The following OR51B5 variants were observed in gnomAD, a reference collection of about 807,000 sequenced individuals.
OR51B5 encodes olfactory receptor 51B5.
For synonymous variants in OR51B5, 186 were observed against 144.8 expected, an observed-to-expected ratio of 1.28 and a Z score of -2.04; for missense variants, 456 against 374.6, an observed-to-expected ratio of 1.22 and a Z score of -1.79.
At chr11:5,348,814 C>T (rs1454397954) in intron 1 of OR51B5, among the ~76,000 whole-genome samples, 2 of 152,110 alleles carry the variant, frequency 1.3e-5, no homozygotes, top group Non-Finnish European at 2.9e-5. Context: ...CAATACTTTG[C>T]ATCCTTCAAT....
At chr11:5,381,108 ACCCCACCATAC>A (rs146546272) in intron 1 of OR51B5, among the ~76,000 whole-genome samples, 19,202 of 143,120 alleles carry the variant, frequency 0.13, 1,340 homozygotes, top group South Asian at 0.17. Context: ...CAGGCTTTCC[ACCCCACCATAC>A]CCCCACCCCA....
Position 5,403,697 on chromosome 11 carries a change from T to C in OR51B5, n.85-56787A>G, listed in dbSNP as rs562634280. On this transcript the variant is annotated intron_variant and non_coding_transcript_variant, in intron 1 of 4. Transcript: ENST00000415970. ...TCTATAGTCTGTCCATGAACTGAGG[T>C]GAGGGTGCAGGTAGAGGTGAATTAT... 107 of 360,832 alleles carry C rather than the reference T, an allele frequency of 3.0e-4. 4 individuals carry two copies. Among genetic ancestry groups the C allele is most frequent in the South Asian group, 2.1e-3 (102 of 48,382 alleles). The allele number at this position is 360,832 out of a possible 1,614,324, so 22.4% of individuals were successfully genotyped here.
intron 1 of OR51B5, among the ~76,000 whole-genome samples, chr11:5,385,659 T>TA (rs1564795566): frequency 6.6e-6 from 1 of 151,352 alleles, no homozygotes; most frequent in Non-Finnish European, 1.5e-5. Context: ...TAAACATGTA[T>TA]AATAAAGAAT....
Position 5,437,040 on chromosome 11 carries a change from T to C in OR51B5, n.84+68529A>G, listed in dbSNP as rs181360747. Among the ~76,000 whole-genome samples, 692 of 152,132 alleles carry C rather than the reference T, an allele frequency of 4.5e-3. 5 individuals are homozygous for C. Among genetic ancestry groups the C allele is most frequent in the African/African-American group, 0.015 (639 of 41,496 alleles). ...GCCTGAGTGTGATGCTGTGCTGGTA[T>C]TGGGGAAAGGAGGAGGGTTAGATCT... is the stretch of plus-strand genomic sequence containing the variant. On this transcript the variant is annotated intron_variant and non_coding_transcript_variant, in intron 1 of 4. Coordinates refer to the OR51B5 transcript ENST00000415970.
intron 1 of OR51B5, among the ~76,000 whole-genome samples, chr11:5,445,985 C>A (rs1476376521): frequency 6.6e-6 from 1 of 151,978 alleles, no homozygotes; most frequent in Non-Finnish European, 1.5e-5. Flanking sequence ...AACCATCATT[C>A]TCAGCAAACT....
At chr11:5,383,613 T>C (rs1032106380) in intron 1 of OR51B5, among the ~76,000 whole-genome samples, 8 of 152,222 alleles carry the variant, frequency 5.3e-5, no homozygotes, top group Non-Finnish European at 1.2e-4. Context: ...GTAGTACTTT[T>C]GTTGCAGCAG....
At chr11:5,483,366 G>T (rs1381055862) in intron 1 of OR51B5, among the ~76,000 whole-genome samples, 6 of 102,294 alleles carry the variant, frequency 5.9e-5, no homozygotes, top group Non-Finnish European at 1.1e-4. Flanking sequence ...ATGGGGTGGG[G>T]GGAGGGGGGA....
At chr11:5,442,340 T>G (rs1850702122) in intron 1 of OR51B5, among the ~76,000 whole-genome samples, 1 of 152,160 alleles carries the variant, frequency 6.6e-6, no homozygotes, top group Non-Finnish European at 1.5e-5. Flanking sequence ...ATACACACCT[T>G]TATTCATTCT....
downstream of OR51B5, chr11:5,340,357 TTATC>T (rs984948933): frequency 4.0e-4 from 61 of 152,256 alleles, no homozygotes; most frequent in African/African-American, 1.4e-3. Flanking sequence ...TATCATTTCT[TTATC>T]TATAATTTAC....
At chr11:5,402,822 G>T (rs1336832910) in intron 1 of OR51B5, 2 of 471,648 alleles carry the variant, frequency 4.2e-6, no homozygotes, top group Non-Finnish European at 8.8e-6. Flanking sequence ...CGAGGTTCGT[G>T]TCTCTGCATC....
intron 1 of OR51B5, among the ~76,000 whole-genome samples, chr11:5,415,445 T>C (rs1050299250): frequency 2.0e-5 from 3 of 150,272 alleles, no homozygotes; most frequent in East Asian, 2.0e-4. Context: ...CTAAAGGAAA[T>C]AGAGACACAA....
intron 1 of OR51B5, chr11:5,391,197 A>C (rs544829499): frequency 6.6e-6 from 1 of 152,350 alleles, no homozygotes; most frequent in African/African-American, 2.4e-5. Context: ...TAAACTTTAC[A>C]TTGGCTGATC....
intron 1 of OR51B5, among the ~76,000 whole-genome samples, chr11:5,470,696 C>G (rs1008637350): frequency 6.6e-6 from 1 of 152,154 alleles, no homozygotes; most frequent in Non-Finnish European, 1.5e-5. Context: ...GTGGTCATGC[C>G]AGAAAACCCT....
chr11:5,428,699 C>G (rs1850486856), intron 1 of OR51B5, among the ~76,000 whole-genome samples: 1 of 152,210 alleles, frequency 6.6e-6, no homozygotes. Context: ...AGCCTCACAG[C>G]CTGGCTGTCT....
intron 1 of OR51B5, among the ~76,000 whole-genome samples, chr11:5,387,138 A>G (rs1228343205): frequency 2.0e-5 from 3 of 152,180 alleles, no homozygotes; most frequent in African/African-American, 7.2e-5. Flanking sequence ...AAACTGAATA[A>G]CATAAATATT....
intron 1 of OR51B5, among the ~76,000 whole-genome samples, chr11:5,434,994 A>AT (rs1850574013): frequency 6.6e-6 from 1 of 152,026 alleles, no homozygotes; most frequent in Admixed American, 6.6e-5. Context: ...TGGCAGATAG[A>AT]TTTTTTTTCT....
chr11:5,499,965 G>T lies in OR51B5; in HGVS notation n.84+5604C>A, dbSNP rs139673168. The stretch of plus-strand genomic sequence containing the variant: ...TGGAATATGTAATCTACTCTGCAAA[G>T]AATTGCCTTTTATTTTGGCAAATAG... On this transcript the variant is annotated intron_variant and non_coding_transcript_variant, in intron 1 of 4. Transcript: ENST00000415970. Among the ~76,000 whole-genome samples the T allele has an allele frequency of 2.4e-4, 37 of 152,332 alleles. No individual in the cohort carries two copies. The East Asian group carries it at 3.3e-3, about 13-fold the overall frequency.
chr11:5,443,338 T>G (rs1850718764), intron 1 of OR51B5, among the ~76,000 whole-genome samples: 1 of 152,098 alleles, frequency 6.6e-6, no homozygotes, highest in African/African-American at 2.4e-5. Context: ...TGAGAAGAGA[T>G]TCATCTATTC....
intron 1 of OR51B5, among the ~76,000 whole-genome samples, chr11:5,486,144 A>AT (rs11403420): frequency 0.96 from 146,256 of 151,990 alleles, 70,397 homozygotes; most frequent in South Asian, 0.99. Context: ...TGTTTCTGTT[A>AT]TTAAACCTCT....
Sources: allele counts gnomAD v4.1 joint callset (sites outside exome capture counted in the v4.1 genomes callset), GRCh38; gene constraint gnomAD v4.1.1; transcripts MANE v1.5; gene names NCBI Gene and HGNC (gene_info 2026-07-23, HGNC 2026-07-21).